THSD7B: variants seen among roughly 807,000 people sequenced by gnomAD.
The protein encoded by THSD7B is thrombospondin type-1 domain-containing protein 7B.
THSD7B carries 138 observed loss-of-function variants against 213.6 expected under a neutral mutation model. That is an observed-to-expected ratio of 0.65 (90% confidence interval 0.56 to 0.74). The LOEUF is 0.74. Ranked by LOEUF, THSD7B falls within the 30% of genes least tolerant of loss-of-function variation. The pLI, the probability that THSD7B is intolerant of heterozygous loss-of-function variation, is 0.00. For synonymous variants in THSD7B, 742 were observed against 687.0 expected, an observed-to-expected ratio of 1.08 and a Z score of -1.25; for missense variants, 1,931 against 1,991.5, an observed-to-expected ratio of 0.97 and a Z score of 0.58.
chr2:137,455,704 T>C (rs886109247), intron 15 of THSD7B, among the ~76,000 whole-genome samples: 1 of 152,252 alleles, frequency 6.6e-6, no homozygotes, highest in Non-Finnish European at 1.5e-5. Context: ...CTAAATAGTT[T>C]ATTATATTAT....
chr2:137,355,038 C>T (rs569657116), intron 12 of THSD7B, among the ~76,000 whole-genome samples: 1 of 152,240 alleles, frequency 6.6e-6, no homozygotes, highest in Admixed American at 6.5e-5. Flanking sequence ...ATGTAGTAAG[C>T]ATCCACCATG....
At chr2:137,488,250 T>C (rs1373960761) in intron 15 of THSD7B, among the ~76,000 whole-genome samples, 1 of 152,152 alleles carries the variant, frequency 6.6e-6, no homozygotes. Flanking sequence ...TAAAGTATAC[T>C]GTAAAATAAT....
At chr2:137,082,653 T>C (rs571523433) in intron 3 of THSD7B, among the ~76,000 whole-genome samples, 1 of 152,132 alleles carries the variant, frequency 6.6e-6, no homozygotes, top group African/African-American at 2.4e-5. Context: ...GTTTCCATTT[T>C]CATCTCTATA....
Position 136,909,402 on chromosome 2 carries a change from G to T in THSD7B, c.139+27085G>T, listed in dbSNP as rs116009297. Among the ~76,000 whole-genome samples, 1,076 of 152,288 alleles carry T rather than the reference G, an allele frequency of 7.1e-3. 12 individuals carry two copies. The highest frequency in any genetic ancestry group is 0.024 in the African/African-American group (1,013 of 41,574). On this transcript the variant is annotated intron_variant, in intron 2 of 27. Coordinates refer to ENST00000409968, the MANE Select transcript of THSD7B (RefSeq NM_001316349.2). ...TAACTTTCCTTTATCCAAAGATAAA[G>T]TACTGATACTCTACTGTTTGTGCTC...
At chr2:137,252,191 C>T (rs141163306) in intron 10 of THSD7B, among the ~76,000 whole-genome samples, 138 of 130,770 alleles carry the variant, frequency 1.1e-3, no homozygotes, top group African/African-American at 3.3e-3. Flanking sequence ...CGCTTGAACC[C>T]GGGAGGCAGA....
At chr2:136,832,214 C>T in intron 1 of THSD7B, among the ~76,000 whole-genome samples, 1 of 149,906 alleles carries the variant, frequency 6.7e-6, no homozygotes, top group South Asian at 2.1e-4. Context: ...TACACACACA[C>T]ATATATACAA....
At chr2:136,911,661 T>C (rs908336061) in intron 2 of THSD7B, among the ~76,000 whole-genome samples, 5 of 152,222 alleles carry the variant, frequency 3.3e-5, no homozygotes, top group African/African-American at 9.6e-5. Context: ...TATAGCAAGA[T>C]TGTATGTGTA....
chr2:137,294,601 A>G (rs964405736), intron 12 of THSD7B, among the ~76,000 whole-genome samples: 5 of 150,648 alleles, frequency 3.3e-5, no homozygotes, highest in Admixed American at 6.6e-5. Flanking sequence ...AAAAAAAAAA[A>G]AAAGAAAGGG....
intron 14 of THSD7B, among the ~76,000 whole-genome samples, chr2:137,447,789 AAAAG>A (rs944088015): frequency 8.5e-5 from 13 of 152,234 alleles, no homozygotes; most frequent in South Asian, 2.1e-4. Flanking sequence ...GAGAGAGAAA[AAAAG>A]AAAGAAAGAA....
chr2:137,043,255 C>T (rs1267696185), intron 2 of THSD7B, among the ~76,000 whole-genome samples: 1 of 152,188 alleles, frequency 6.6e-6, no homozygotes, highest in Non-Finnish European at 1.5e-5. Flanking sequence ...CCAATTATTT[C>T]CTCTGAAAAG....
At chr2:137,081,009 T>G (rs571302872) in intron 3 of THSD7B, among the ~76,000 whole-genome samples, 1 of 152,308 alleles carries the variant, frequency 6.6e-6, no homozygotes, top group Non-Finnish European at 1.5e-5. Context: ...TATTTACTAT[T>G]CTTGAAAATG....
chr2:137,492,688 A>T (rs1385101933), intron 15 of THSD7B, among the ~76,000 whole-genome samples: 2 of 152,214 alleles, frequency 1.3e-5, no homozygotes, highest in African/African-American at 4.8e-5. Context: ...CTTTTTAGGA[A>T]TTCTGCCACA....
intron 15 of THSD7B, among the ~76,000 whole-genome samples, chr2:137,535,527 A>G (rs778934105): frequency 1.1e-4 from 17 of 151,796 alleles, no homozygotes; most frequent in Admixed American, 6.6e-5. Flanking sequence ...GTAGTTATCA[A>G]TCCTCACAGT....
At chr2:136,998,739 G>T (rs1685942189) in intron 2 of THSD7B, among the ~76,000 whole-genome samples, 1 of 152,056 alleles carries the variant, frequency 6.6e-6, no homozygotes, top group African/African-American at 2.4e-5. Flanking sequence ...TTTCTTTCTG[G>T]AGGATAGGAA....
intron 15 of THSD7B, among the ~76,000 whole-genome samples, chr2:137,556,986 A>T (rs1320025959): frequency 6.6e-6 from 1 of 152,160 alleles, no homozygotes; most frequent in African/African-American, 2.4e-5. Flanking sequence ...CAACAAGGAG[A>T]GCTAACTATC....
At chr2:137,416,610 T>A (rs181177630) in intron 14 of THSD7B, among the ~76,000 whole-genome samples, 36 of 152,330 alleles carry the variant, frequency 2.4e-4, no homozygotes, top group African/African-American at 8.2e-4. Context: ...TCAGTATCTG[T>A]TGGCTGAATG....
chr2:137,136,714 A>C (rs1020112114), intron 5 of THSD7B, among the ~76,000 whole-genome samples: 2 of 151,972 alleles, frequency 1.3e-5, no homozygotes, highest in African/African-American at 4.8e-5. Context: ...TCAAGGATTA[A>C]CTCTTTCAAG....
chr2:136,960,978 A>G (rs917360115), intron 2 of THSD7B, among the ~76,000 whole-genome samples: 1 of 146,302 alleles, frequency 6.8e-6, no homozygotes, highest in Admixed American at 7.0e-5. Flanking sequence ...GGTCCCAGCT[A>G]CTTGGGAGGC....
chr2:137,079,301 G>C (rs758829402), intron 3 of THSD7B, among the ~76,000 whole-genome samples: 30 of 151,516 alleles, frequency 2.0e-4, no homozygotes, highest in Non-Finnish European at 2.9e-5. Flanking sequence ...TCTTCAGTTG[G>C]CCTATTTTGT....
Sources: allele counts gnomAD v4.1 joint callset (sites outside exome capture counted in the v4.1 genomes callset), GRCh38; gene constraint gnomAD v4.1.1; transcripts MANE v1.5; gene names NCBI Gene and HGNC (gene_info 2026-07-23, HGNC 2026-07-21).